KLRF1: variants seen among roughly 807,000 people sequenced by gnomAD.
KLRF1 encodes killer cell lectin like receptor F1, also known as killer cell lectin-like receptor subfamily F member 1.
A neutral mutation model predicts 30.7 loss-of-function variants in KLRF1; 27 were observed. The observed-to-expected ratio is 0.88, with a 90% CI of 0.65 to 1.21. The LOEUF (loss-of-function observed/expected upper bound fraction) is 1.21, where lower values mean the gene tolerates loss of function less well. KLRF1 is among the 50% of genes most tolerant of loss of function. The probability of loss-of-function intolerance (pLI) is 0.00; values close to 1 mark genes in which losing one functional copy is unlikely to be tolerated. For synonymous variants in KLRF1, 92 were observed against 89.3 expected, an observed-to-expected ratio of 1.03 and a Z score of -0.17; for missense variants, 246 against 259.3, an observed-to-expected ratio of 0.95 and a Z score of 0.35.
At chr12:9,837,048 C>T (rs1017193440) in intron 3 of KLRF1, among the ~76,000 whole-genome samples, 3 of 151,994 alleles carry the variant, frequency 2.0e-5, no homozygotes, top group African/African-American at 7.2e-5. Flanking sequence ...TGTGAACTAC[C>T]ATGTTTATCT....
chr12:9,830,928 A>T (rs1478019439), intron 1 of KLRF1, among the ~76,000 whole-genome samples: 1 of 151,770 alleles, frequency 6.6e-6, no homozygotes, highest in Non-Finnish European at 1.5e-5. Context: ...TACTTTCTCC[A>T]TTATTCAGCA....
At chr12:9,822,798 T>C (rs1436364949), upstream of KLRF1, among the ~76,000 whole-genome samples, 1 of 148,798 alleles carries the variant, frequency 6.7e-6, no homozygotes, top group Admixed American at 6.7e-5. Flanking sequence ...TGAAAATCAG[T>C]AAAAAAAAAC....
At chr12:9,825,559 C>G (rs1032201819), upstream of KLRF1, among the ~76,000 whole-genome samples, 2 of 152,058 alleles carry the variant, frequency 1.3e-5, no homozygotes, top group Non-Finnish European at 2.9e-5. Flanking sequence ...ATAAAAAACC[C>G]TGGAAGATAA....
the KLRF1 span, among the ~76,000 whole-genome samples, chr12:9,802,131 TATCC>T: frequency 1.6e-4 from 24 of 152,158 alleles, no homozygotes; most frequent in African/African-American, 5.3e-4. Flanking sequence ...TCAAAAAGCT[TATCC>T]ATCACAATCA....
chr12:9,839,431 G>A (rs1423334448), intron 3 of KLRF1, among the ~76,000 whole-genome samples: 4 of 151,920 alleles, frequency 2.6e-5, no homozygotes, highest in Admixed American at 6.6e-5. Context: ...AATTCATGTC[G>A]TTCTAACATG....
chr12:9,814,207 G>C, the KLRF1 span, among the ~76,000 whole-genome samples: 1 of 152,128 alleles, frequency 6.6e-6, no homozygotes, highest in Non-Finnish European at 1.5e-5. Context: ...CAGTCAAAGG[G>C]AGCCAAAACG....
At position 9,828,135 on chromosome 12, in the gene KLRF1, A is replaced by G. The variant is rs181984663; in HGVS notation, c.85+506A>G. 3.2e-3 allele frequency among the ~76,000 whole-genome samples: 492 copies of G among 151,828 alleles called. 1 individual carries two copies. The highest frequency in any genetic ancestry group is 5.9e-3 in the Non-Finnish European group (399 of 67,936). On this transcript the variant is annotated intron_variant, in intron 1 of 5. Transcript: ENST00000617889. ...ACTGTTGTTGCCCAGGCTGGAGTGC[A>G]ATGGCATGATCTCGGCTCACTGCAA...
At chr12:9,828,351 G>C (rs1445996545) in intron 1 of KLRF1, among the ~76,000 whole-genome samples, 1 of 152,048 alleles carries the variant, frequency 6.6e-6, no homozygotes, top group Non-Finnish European at 1.5e-5. Context: ...AAAGTGTTGG[G>C]ATTATAGGCA....
At chr12:9,825,448 G>A (rs979637131), upstream of KLRF1, among the ~76,000 whole-genome samples, 1 of 152,094 alleles carries the variant, frequency 6.6e-6, no homozygotes. Flanking sequence ...TGAGATAACT[G>A]GCTAGCCACA....
chr12:9,819,065 C>T, the KLRF1 span, among the ~76,000 whole-genome samples: 1 of 152,170 alleles, frequency 6.6e-6, no homozygotes, highest in Non-Finnish European at 1.5e-5. Flanking sequence ...TGGGGGAGCA[C>T]AATTCTCCCA....
Position 9,833,461 on chromosome 12 carries a change from CA to C in KLRF1, c.334+11del. Reference sequence around the variant, plus strand: ...ATCTGCAGACCAGACAGGTATGTCTCAAGGCTTTGGCTTATCCTAGTTTTAA... The same window carrying C: ...ATCTGCAGACCAGACAGGTATGTCTCAGGCTTTGGCTTATCCTAGTTTTAA... On this transcript the variant is annotated intron_variant, in intron 3 of 5. Coordinates refer to ENST00000617889, the MANE Select transcript of KLRF1 (RefSeq NM_016523.3). 6.3e-7 allele frequency: 1 copy of C among 1,588,000 alleles called. No individual in the cohort carries two copies. Among genetic ancestry groups the C allele is most frequent in the Non-Finnish European group, 8.5e-7 (1 of 1,170,054 alleles).
chr12:9,816,143 C>T, the KLRF1 span, among the ~76,000 whole-genome samples: 1 of 152,282 alleles, frequency 6.6e-6, no homozygotes, highest in South Asian at 2.1e-4. Context: ...CTGCCAGCTG[C>T]TTCAATGACT....
intron 1 of KLRF1, among the ~76,000 whole-genome samples, chr12:9,830,764 T>A (rs948881649): frequency 6.6e-5 from 10 of 151,992 alleles, no homozygotes; most frequent in African/African-American, 2.4e-4. Flanking sequence ...GCTGATAATG[T>A]ATTTACCATT....
At chr12:9,828,589 G>T (rs1867337054) in intron 1 of KLRF1, among the ~76,000 whole-genome samples, 1 of 152,156 alleles carries the variant, frequency 6.6e-6, no homozygotes, top group African/African-American at 2.4e-5. Flanking sequence ...CACAGTTATA[G>T]AGACTGTCTG....
In KLRF1 at chr12:9,842,029, T is replaced by C. The variant is rs1867714781; in HGVS notation, c.474+78T>C. On this transcript the variant is annotated intron_variant, in intron 4 of 5. Coordinates refer to ENST00000617889, the MANE Select transcript of KLRF1 (RefSeq NM_016523.3). ...CCTCAAATATCTTTCCATCTTTGCA[T>C]TAAATCATCATTTACCTTGATTATC... 4.9e-6 allele frequency: 7 copies of C among 1,419,822 alleles called. No individual in the cohort carries two copies. In the Admixed American group the frequency reaches 1.3e-4, roughly 27 times the overall value. 88.0% of individuals were successfully genotyped at this position (1,419,822 alleles called of 1,614,324 possible). A position where few individuals can be genotyped will look rare whatever the true frequency, so the allele number is the denominator to read the frequency against.
the KLRF1 span, among the ~76,000 whole-genome samples, chr12:9,822,100 T>C: frequency 6.6e-6 from 1 of 152,210 alleles, no homozygotes; most frequent in Non-Finnish European, 1.5e-5. Context: ...GCAACTCAAA[T>C]GGCCAGAGTT....
chr12:9,820,147 G>T, the KLRF1 span, among the ~76,000 whole-genome samples: 1 of 152,152 alleles, frequency 6.6e-6, no homozygotes, highest in African/African-American at 2.4e-5. Flanking sequence ...ACCCTCACCA[G>T]TGTGTTTGGG....
intron 5 of KLRF1, among the ~76,000 whole-genome samples, chr12:9,843,166 T>C (rs769654051): frequency 5.3e-5 from 8 of 152,260 alleles, no homozygotes; most frequent in Non-Finnish European, 8.8e-5. Context: ...TAGAGTCATA[T>C]TGGGAGATAT....
chr12:9,820,184 G>T, the KLRF1 span, among the ~76,000 whole-genome samples: 485 of 152,310 alleles, frequency 3.2e-3, 2 homozygotes, highest in Non-Finnish European at 4.5e-3. Flanking sequence ...ACCTCCCTGG[G>T]ATGGAGCTCC....
Sources: allele counts gnomAD v4.1 joint callset (sites outside exome capture counted in the v4.1 genomes callset), GRCh38; gene constraint gnomAD v4.1.1; transcripts MANE v1.5; gene names NCBI Gene and HGNC (gene_info 2026-07-23, HGNC 2026-07-21).